Variants in PCDHA2 observed in about 807,000 individuals in gnomAD.
PCDHA2 encodes the protein protocadherin alpha-2.
Under a neutral mutation model 66.0 loss-of-function variants are expected in PCDHA2, and 58 were observed. That is an observed-to-expected ratio of 0.88 (90% CI 0.71 to 1.09). The LOEUF (loss-of-function observed/expected upper bound fraction) is 1.09. Among genes scored for constraint, PCDHA2 ranks in the 50% least tolerant of loss-of-function variants. The pLI, the probability that PCDHA2 is intolerant of heterozygous loss-of-function variation, is 0.00. For synonymous variants in PCDHA2, 634 were observed against 554.0 expected, an observed-to-expected ratio of 1.14 and a Z score of -2.03; for missense variants, 1,267 against 1,242.3, an observed-to-expected ratio of 1.02 and a Z score of -0.30.
At position 140,803,381 on chromosome 5, in the gene PCDHA2, C is replaced by A. The variant is rs376460699; in HGVS notation, c.2388+6029C>A. The stretch of plus-strand genomic sequence containing the variant: ...CTCTGCGGTGCTCCGCGCCGCCAAC[C>A]GAAGGCGACTGTGGGCCGGGCAAGC... On this transcript the variant is annotated intron_variant, in intron 1 of 3. Coordinates refer to ENST00000526136, the MANE Select transcript of PCDHA2 (RefSeq NM_018905.3). 62 of 1,614,094 alleles carry A rather than the reference C, an allele frequency of 3.8e-5. No individual in the cohort carries two copies. In the South Asian group the frequency reaches 5.1e-4, roughly 13 times the overall value.
At chr5:140,824,621 T>A (rs536552035) in intron 1 of PCDHA2, 1 of 130,846 alleles carries the variant, frequency 7.6e-6, no homozygotes, top group Non-Finnish European at 1.6e-5. Flanking sequence ...TTTTTTTTTT[T>A]TTTTTTTTTT....
intron 1 of PCDHA2, chr5:140,808,458 T>G (rs1764176354): frequency 6.2e-7 from 1 of 1,614,180 alleles, no homozygotes; most frequent in East Asian, 2.2e-5. Context: ...TATGAGCTGG[T>G]GGTGACCGCG....
At chr5:141,006,689 G>C (rs1249412460) in intron 3 of PCDHA2, among the ~76,000 whole-genome samples, 3 of 152,072 alleles carry the variant, frequency 2.0e-5, no homozygotes, top group African/African-American at 7.2e-5. Flanking sequence ...TGGGAGAAGA[G>C]GACAGAGTCA....
chr5:140,796,427 C>T lies in PCDHA2; in HGVS notation c.1463C>T (p.Ala488Val). Residue 488 changes from alanine (A) to valine (V), a missense_variant, in exon 1 of 4, where the codon GCG (alanine) becomes GTG (valine). By Grantham distance (64) the Ala-to-Val change is moderately conservative. Coordinates refer to ENST00000526136, the MANE Select transcript of PCDHA2 (RefSeq NM_018905.3). ...SAWDADAQEN[A>V]LVSYSLVERR... ...TGGGATGCGGACGCGCAGGAGAACG[C>T]GCTGGTGTCCTACTCGCTGGTGGAG... The T allele has an allele frequency of 6.2e-7, 1 of 1,613,698 alleles. No individual in the cohort carries two copies. Among genetic ancestry groups the T allele is most frequent in the Non-Finnish European group, 8.5e-7 (1 of 1,179,958 alleles).
intron 1 of PCDHA2, chr5:140,966,920 C>G: frequency 6.2e-7 from 1 of 1,602,674 alleles, no homozygotes; most frequent in Non-Finnish European, 8.5e-7. Flanking sequence ...GCCAGAGGAG[C>G]AGGCACCCGG....
chr5:140,851,068 AATT>A, intron 1 of PCDHA2: 1 of 1,354,280 alleles, frequency 7.4e-7, no homozygotes, highest in Non-Finnish European at 9.7e-7. Context: ...TTCTAGTGAG[AATT>A]ATAAACTGTA....
intron 1 of PCDHA2, chr5:140,860,114 T>C (rs2046188052): frequency 6.6e-6 from 1 of 151,042 alleles, no homozygotes. Context: ...CATAGGGATA[T>C]CTTGTACTGT....
At chr5:140,856,372 C>T in intron 1 of PCDHA2, 3 of 1,598,462 alleles carry the variant, frequency 1.9e-6, no homozygotes, top group Non-Finnish European at 2.6e-6. Context: ...TGGAGGTGAT[C>T]GTGGACAGGC....
chr5:140,864,600 C>G (rs1159658217), intron 1 of PCDHA2: 3 of 152,164 alleles, frequency 2.0e-5, no homozygotes, highest in African/African-American at 7.2e-5. Flanking sequence ...TTCAGATAGC[C>G]AACAACTTTG....
chr5:140,845,778 A>G (rs190937688), intron 1 of PCDHA2, among the ~76,000 whole-genome samples: 1 of 149,842 alleles, frequency 6.7e-6, no homozygotes, highest in East Asian at 1.9e-4. Context: ...GTTATAAATT[A>G]TTAATAATAA....
chr5:140,909,072 C>A (rs2074300655), intron 1 of PCDHA2, among the ~76,000 whole-genome samples: 1 of 152,162 alleles, frequency 6.6e-6, no homozygotes, highest in African/African-American at 2.4e-5. Flanking sequence ...CCAATAAGCC[C>A]AGTGTGTTTG....
At chr5:140,927,975 C>T in intron 1 of PCDHA2, 2 of 1,614,244 alleles carry the variant, frequency 1.2e-6, no homozygotes, top group Non-Finnish European at 1.7e-6. Context: ...TGATTGCTCT[C>T]TTTAGTGTAA....
intron 1 of PCDHA2, chr5:140,858,267 C>G: frequency 6.3e-7 from 1 of 1,597,232 alleles, no homozygotes; most frequent in Non-Finnish European, 8.6e-7. Context: ...CTGGTGTGCT[C>G]TAGCGCGGTG....
rs906170025 is a variant in PCDHA2 at position 140,935,893 on chromosome 5, T to C, written c.2389-43056T>C. Among the ~76,000 whole-genome samples, 23 of 129,968 alleles carry C rather than the reference T, an allele frequency of 1.8e-4. 1 individual carries two copies. In the Admixed American group the frequency reaches 1.8e-3, roughly 10 times the overall value. The allele number at this position is 129,968 out of a possible 152,430, so 85.3% of individuals were successfully genotyped here. A position where few individuals can be genotyped will look rare whatever the true frequency, so the allele number is the denominator to read the frequency against. ...AATGAGCTCCAATTTATCAATATTA[T>C]CTTTTTTTTTTTTTTTTGAGACAGA... On this transcript the variant is annotated intron_variant, in intron 1 of 3. Transcript: ENST00000526136.
chr5:140,935,380 A>C (rs1188418457), intron 1 of PCDHA2, among the ~76,000 whole-genome samples: 1 of 152,220 alleles, frequency 6.6e-6, no homozygotes, highest in Non-Finnish European at 1.5e-5. Context: ...AGAATTACTC[A>C]TTTGTTATCC....
At chr5:140,956,953 CTG>C (rs1217178036) in intron 1 of PCDHA2, among the ~76,000 whole-genome samples, 2 of 135,202 alleles carry the variant, frequency 1.5e-5, no homozygotes, top group African/African-American at 2.6e-5. Flanking sequence ...CATTAAAACA[CTG>C]TAATTAATCA....
chr5:140,997,324 T>C (rs1447294871), intron 3 of PCDHA2, among the ~76,000 whole-genome samples: 1 of 152,202 alleles, frequency 6.6e-6, no homozygotes, highest in Non-Finnish European at 1.5e-5. Context: ...TAGGCAGTTT[T>C]TTCGTTGTAC....
chr5:140,829,308 C>T (rs2150165692), intron 1 of PCDHA2: 15 of 1,614,240 alleles, frequency 9.3e-6, no homozygotes, highest in East Asian at 2.2e-5. Flanking sequence ...AATTACTACT[C>T]GTTGGTGCTG....
At chr5:140,956,666 G>C (rs1232573740) in intron 1 of PCDHA2, among the ~76,000 whole-genome samples, 2 of 152,088 alleles carry the variant, frequency 1.3e-5, no homozygotes, top group African/African-American at 4.8e-5. Context: ...GGCCTTAAAG[G>C]AGTTAGGGAG....
Sources: gnomAD v4.1 joint callset for allele counts (sites outside exome capture counted in the v4.1 genomes callset) on GRCh38, gnomAD v4.1.1 for gene constraint, MANE v1.5 for transcripts, NCBI Gene and HGNC (gene_info 2026-07-23, HGNC 2026-07-21) for gene names.